Variants in ZNF536 observed in about 807,000 individuals in gnomAD.
ZNF536 encodes the protein zinc finger protein 536.
A neutral mutation model predicts 84.5 loss-of-function variants in ZNF536; 13 were observed. That is an observed-to-expected ratio of 0.15 (90% CI 0.10 to 0.24). The LOEUF (loss-of-function observed/expected upper bound fraction) is 0.24. Ranked by LOEUF, ZNF536 falls within the 10% of genes least tolerant of loss-of-function variation. The pLI is 1.00. For synonymous variants in ZNF536, 811 were observed against 742.5 expected, an observed-to-expected ratio of 1.09 and a Z score of -1.50; for missense variants, 1,536 against 1,747.5, an observed-to-expected ratio of 0.88 and a Z score of 2.16.
chr19:30,382,090 C>T (rs1187898989), intron 1 of ZNF536, among the ~76,000 whole-genome samples: 1 of 152,306 alleles, frequency 6.6e-6, no homozygotes, highest in East Asian at 1.9e-4. Flanking sequence ...CCCATTTTGG[C>T]TGATGTGTTC....
chr19:30,450,201 C>T (rs371470300), intron 2 of ZNF536, among the ~76,000 whole-genome samples: 85 of 151,582 alleles, frequency 5.6e-4, no homozygotes, highest in African/African-American at 2.0e-3. Context: ...CTATTGTTGC[C>T]GAGCGAACAG....
chr19:30,595,462 T>A (rs899177384), intron 1 of ZNF536, among the ~76,000 whole-genome samples: 3 of 152,032 alleles, frequency 2.0e-5, no homozygotes, highest in Admixed American at 1.3e-4. Context: ...TATTTTTTAA[T>A]TTTTTTGTAG....
intron 1 of ZNF536, among the ~76,000 whole-genome samples, chr19:30,397,409 A>G (rs1315794652): frequency 6.6e-6 from 1 of 152,222 alleles, no homozygotes; most frequent in Non-Finnish European, 1.5e-5. Context: ...GTCTGGGTAA[A>G]GCTGGAGGGA....
rs571961124 is a variant in ZNF536, at chr19:30,447,906, G to A, written c.2170+2174G>A. On this transcript the variant is annotated intron_variant, in intron 2 of 4. Transcript: ENST00000355537. ...TCGGCAGAATATTCTGACACCAAAT[G>A]TTCAGCTTCATTAATGACGTGTTTA... Among the ~76,000 whole-genome samples, 211 of 152,264 alleles carry A rather than the reference G, an allele frequency of 1.4e-3. 1 individual carries two copies. The highest frequency in any genetic ancestry group is 2.4e-3 in the Non-Finnish European group (161 of 68,006).
At chr19:30,468,038 C>T (rs1246864775) in intron 2 of ZNF536, among the ~76,000 whole-genome samples, 4 of 152,328 alleles carry the variant, frequency 2.6e-5, no homozygotes, top group Non-Finnish European at 5.9e-5. Context: ...AGTGAGTGAG[C>T]ACAAACAGGC....
intron 1 of ZNF536, among the ~76,000 whole-genome samples, chr19:30,630,880 G>A (rs2147236146): frequency 6.6e-6 from 1 of 152,316 alleles, no homozygotes; most frequent in Non-Finnish European, 1.5e-5. Context: ...GAGACCTTCT[G>A]GATCAGATAA....
At chr19:30,657,109 C>A (rs573266854) in intron 1 of ZNF536, among the ~76,000 whole-genome samples, 51 of 152,236 alleles carry the variant, frequency 3.4e-4, no homozygotes, top group African/African-American at 1.2e-3. Context: ...TATGTCCCTG[C>A]GTTTTCCCAG....
intron 1 of ZNF536, among the ~76,000 whole-genome samples, chr19:30,274,980 T>C (rs1468379876): frequency 6.6e-6 from 1 of 152,250 alleles, no homozygotes; most frequent in East Asian, 1.9e-4. Context: ...TATAATTTTC[T>C]GGATTTTTCC....
At chr19:30,332,826 ATCCCAGCACTT>A (rs1339151439) in intron 2 of ZNF536, among the ~76,000 whole-genome samples, 1 of 152,156 alleles carries the variant, frequency 6.6e-6, no homozygotes, top group East Asian at 1.9e-4. Context: ...CATGCCTGTA[ATCCCAGCACTT>A]TGGAAGGCCA....
chr19:30,541,316 G>A (rs1019108151), intron 3 of ZNF536, among the ~76,000 whole-genome samples: 1 of 151,788 alleles, frequency 6.6e-6, no homozygotes, highest in Admixed American at 6.6e-5. Context: ...CAGTTAAAAT[G>A]GGTGTTCTTC....
chr19:30,526,703 G>A (rs2044598114), intron 2 of ZNF536, among the ~76,000 whole-genome samples: 1 of 103,696 alleles, frequency 9.6e-6, no homozygotes, highest in East Asian at 2.3e-4. Context: ...CAGCCTGGGC[G>A]ACAGAGCGAG....
At chr19:30,611,032 G>C (rs1315225167) in intron 1 of ZNF536, among the ~76,000 whole-genome samples, 2 of 152,190 alleles carry the variant, frequency 1.3e-5, no homozygotes, top group Non-Finnish European at 2.9e-5. Context: ...CCAAGTCTGG[G>C]CTTCCCTGCC....
chr19:30,571,603 T>C (rs1473678336), intron 1 of ZNF536, among the ~76,000 whole-genome samples: 1 of 152,208 alleles, frequency 6.6e-6, no homozygotes, highest in Non-Finnish European at 1.5e-5. Context: ...TGCCCCCTTC[T>C]TGGTGCTGGC....
At chr19:30,274,921 C>T (rs865975673) in intron 1 of ZNF536, among the ~76,000 whole-genome samples, 6 of 152,284 alleles carry the variant, frequency 3.9e-5, no homozygotes, top group East Asian at 3.9e-4. Context: ...TTCTGTAAAG[C>T]GATACGTATG....
chr19:30,322,896 G>A (rs4805544), intron 2 of ZNF536, among the ~76,000 whole-genome samples: 31,704 of 152,070 alleles, frequency 0.21, 4,338 homozygotes, highest in East Asian at 0.43. Context: ...GGAAAGGCTG[G>A]GCACCTAATG....
At chr19:30,371,435 C>G (rs2048607745), upstream of ZNF536, among the ~76,000 whole-genome samples, 2 of 152,134 alleles carry the variant, frequency 1.3e-5, no homozygotes, top group Admixed American at 6.5e-5. Context: ...GCTGTGAACA[C>G]ACATTCTTTT....
chr19:30,524,191 G>A (rs1367021153), intron 2 of ZNF536, among the ~76,000 whole-genome samples: 1 of 152,208 alleles, frequency 6.6e-6, no homozygotes, highest in Non-Finnish European at 1.5e-5. Flanking sequence ...CTGTACATGC[G>A]TACAGCCTGG....
At chr19:30,375,287 C>G (rs1224176504) in intron 1 of ZNF536, among the ~76,000 whole-genome samples, 1 of 150,556 alleles carries the variant, frequency 6.6e-6, no homozygotes, top group Non-Finnish European at 1.5e-5. Context: ...CCGGGCCCCG[C>G]GAGCGGCCGC....
chr19:30,585,629 T>TG (rs1568576809), intron 1 of ZNF536, among the ~76,000 whole-genome samples: 1 of 152,194 alleles, frequency 6.6e-6, no homozygotes. Context: ...AAGCCTTTTA[T>TG]GCATCTAGAA....
Sources: gnomAD v4.1 joint callset for allele counts (sites outside exome capture counted in the v4.1 genomes callset) on GRCh38, gnomAD v4.1.1 for gene constraint, MANE v1.5 for transcripts, NCBI Gene and HGNC (gene_info 2026-07-23, HGNC 2026-07-21) for gene names.